Variants in MAMDC4 observed in about 807,000 individuals in gnomAD.
MAMDC4 encodes MAM domain containing 4, also known as apical endosomal glycoprotein.
A neutral mutation model predicts 153.3 loss-of-function variants in MAMDC4; 168 were observed. The observed-to-expected ratio is 1.10, with a 90% CI of 0.97 to 1.25. The LOEUF (loss-of-function observed/expected upper bound fraction) is 1.25, where lower values mean the gene tolerates loss of function less well. Ranked by LOEUF, MAMDC4 falls within the 50% of genes most tolerant of loss-of-function variation. The pLI is 0.00. For missense variants in MAMDC4, 1,701 were observed against 1,542.8 expected (o/e 1.10, Z -1.72); for synonymous variants, 744 against 651.5 (o/e 1.14, Z -2.16).
At chr9:136,852,918 G>C (rs930918704) in intron 1 of MAMDC4, among the ~76,000 whole-genome samples, 184 bp from the exon 2 acceptor site, 7 of 152,224 alleles carry the variant, frequency 4.6e-5, no homozygotes, top group Non-Finnish European at 7.3e-5. Context: ...ACAGGAACGT[G>C]CTGTGCTTGG....
rs777411853 is a variant in MAMDC4 at position 136,856,742 on chromosome 9, A to G, written c.1753A>G (p.Ser585Gly). Residue 585 changes from serine (S) to glycine (G), a missense_variant, in exon 15 of 27, where the codon AGC becomes GGC. By Grantham distance (56) the Ser-to-Gly change is moderately conservative. Transcript: ENST00000317446. ...CTGTAACTTTGAGCGGGACACATGC[A>G]GCTGGTACCCAGGCCACCTCTCAGA... ...VSCNFERDTC[S>G]WYPGHLSDTH... 1 of 1,612,662 alleles carries G rather than the reference A, an allele frequency of 6.2e-7. No homozygotes were observed. The highest frequency in any genetic ancestry group is 8.5e-7 in the Non-Finnish European group (1 of 1,179,870).
At position 136,855,559 on chromosome 9, in the gene MAMDC4, C is replaced by G. The variant is rs1848992202; in HGVS notation, c.1411C>G (p.Pro471Ala). 1 of 1,591,890 alleles carries G rather than the reference C, an allele frequency of 6.3e-7. No individual in the cohort carries two copies. The highest frequency in any genetic ancestry group is 2.3e-5 in the East Asian group (1 of 43,930). ...HLACGDLCVP[P>A]EQLCDFEEQC... ...TGCCTGCGGGGACCTGTGTGTGCCC[C>G]CGGAACAACTGTGTGACTTCGAGGA... Residue 471 changes from proline to alanine, a missense_variant, in exon 12 of 27, where the codon CCG (proline) becomes GCG (alanine). Pro to Ala is a conservative substitution (Grantham distance 27). Transcript: ENST00000317446.
rs910402051 is a variant in MAMDC4, at chr9:136,853,601, C to T, written c.385C>T (p.Arg129Cys). The change falls in exon 4 of 27, where the codon CGC becomes TGC. Residue 129 changes from arginine to cysteine, a missense_variant. Physicochemically the swap from Arg to Cys is radical, Grantham distance 180. Coordinates refer to ENST00000317446, the MANE Select transcript of MAMDC4 (RefSeq NM_206920.3). ...RGKEASTAAL[R>C]SPTLREAASS... ...GAAAGAGGCATCCACCGCAGCCCTGCGCTCGCCAACCCTGCGAGAGGCAGC... is the reference window on the plus strand; with the variant it reads ...GAAAGAGGCATCCACCGCAGCCCTGTGCTCGCCAACCCTGCGAGAGGCAGC... The T allele has an allele frequency of 6.8e-6, 11 of 1,612,364 alleles. No homozygotes were observed. Among genetic ancestry groups the T allele is most frequent in the South Asian group, 1.1e-5 (1 of 91,090 alleles).
At chr9:136,852,968 T>A in intron 1 of MAMDC4, 134 bp from the exon 2 acceptor site, 1 of 723,392 alleles carries the variant, frequency 1.4e-6, no homozygotes, top group Non-Finnish European at 2.3e-6. Context: ...TCCCAGCCCC[T>A]CCCTGCTCCA....
chr9:136,856,457 C>T, intron 14 of MAMDC4: 1 of 783,960 alleles, frequency 1.3e-6, no homozygotes, highest in Non-Finnish European at 2.4e-6. Flanking sequence ...CCCCCTACCC[C>T]ATGAAGCTGG....
At position 136,858,400 on chromosome 9, in the gene MAMDC4, G is replaced by C. The variant is rs774711580; in HGVS notation, c.2675G>C (p.Gly892Ala). 1 of 1,602,228 alleles carries C rather than the reference G, an allele frequency of 6.2e-7. No individual in the cohort carries two copies. Among genetic ancestry groups the C allele is most frequent in the Non-Finnish European group, 8.5e-7 (1 of 1,179,824 alleles). ...CCACTCACCCACCCATGTCCTGCAG[G>C]TTCCTGTGATTTTGAGTCTGGCCTG... ...LLQDGPCPQP[G>A]SCDFESGLCG... The change falls in exon 22 of 27, where the codon GGT (glycine) becomes GCT (alanine). Residue 892 changes from glycine (G) to alanine (A), a missense_variant and splice_region_variant. Transcript: ENST00000317446.
In MAMDC4 at chr9:136,855,718, G is replaced by T; in HGVS notation, c.1472-14G>T. Reference sequence around the variant, plus strand: ...TCTGAGGACTCTGCCATTCAGTGCCGGCTGCTGTTCCAGGCACCACAGACT... The same window carrying T: ...TCTGAGGACTCTGCCATTCAGTGCCTGCTGCTGTTCCAGGCACCACAGACT... On this transcript the variant is annotated splice_polypyrimidine_tract_variant and intron_variant, in intron 12 of 26. Transcript: ENST00000317446. 6.4e-7 allele frequency: 1 copy of T among 1,574,774 alleles called. No individual in the cohort carries two copies. Among genetic ancestry groups the T allele is most frequent in the Non-Finnish European group, 8.6e-7 (1 of 1,161,194 alleles).
intron 7 of MAMDC4, 79 bp downstream of exon 7, chr9:136,854,415 G>A (rs1284195952): frequency 2.7e-6 from 4 of 1,494,858 alleles, no homozygotes; most frequent in Admixed American, 2.2e-5. Flanking sequence ...ATCCAGGAGG[G>A]GGTGCCTTGG....
In MAMDC4 at chr9:136,854,209, A is replaced by G; in HGVS notation, c.671-2A>G. The G allele has an allele frequency of 6.2e-7, 1 of 1,608,784 alleles. No individual in the cohort carries two copies. Among genetic ancestry groups the G allele is most frequent in the Non-Finnish European group, 8.5e-7 (1 of 1,177,938 alleles). On this transcript the variant is annotated splice_acceptor_variant, in intron 6 of 26. Transcript: ENST00000317446. LOFTEE classifies it high-confidence loss of function. ...GTGAAGGGTTAACCCTGCCCCACCCAGCCCCCCAGGCCAACTGTCCCCCGG... is the reference window on the plus strand; with the variant it reads ...GTGAAGGGTTAACCCTGCCCCACCCGGCCCCCCAGGCCAACTGTCCCCCGG...
At position 136,854,333 on chromosome 9, in the gene MAMDC4, T is replaced by C. The variant is rs754128457; in HGVS notation, c.793T>C (p.Cys265Arg). The C allele has an allele frequency of 6.4e-7, 1 of 1,563,532 alleles. No individual in the cohort carries two copies. Among genetic ancestry groups the C allele is most frequent in the Non-Finnish European group, 8.7e-7 (1 of 1,154,814 alleles). The change falls in exon 7 of 27, where the codon TGT (cysteine) becomes CGT (arginine). Residue 265 changes from cysteine to arginine, a missense_variant. Coordinates refer to ENST00000317446, the MANE Select transcript of MAMDC4 (RefSeq NM_206920.3). ...CCTGTCTGATGAGAACCCACTCACC[T>C]GTGGTGAGGCCGGAGTGGGGGCCCA... ...GDLSDENPLT[C>R]GRHIATDFET... is the part of the protein sequence containing the mutation.
rs772716843 is a variant in MAMDC4, at chr9:136,858,416, G to C, written c.2691G>C (p.Glu897Asp). Reference sequence around the variant, plus strand: ...GTCCTGCAGGTTCCTGTGATTTTGAGTCTGGCCTGTGTGGCTGGAGCCACC... The same window carrying C: ...GTCCTGCAGGTTCCTGTGATTTTGACTCTGGCCTGTGTGGCTGGAGCCACC... ...PCPQPGSCDF[E>D]SGLCGWSHLA... Residue 897 changes from glutamate to aspartate, a missense_variant, in exon 22 of 27, where the codon GAG becomes GAC. Glu to Asp is a conservative substitution (Grantham distance 45, BLOSUM62 2). Transcript: ENST00000317446. 1 of 1,603,790 alleles carries C rather than the reference G, an allele frequency of 6.2e-7. No homozygotes were observed. The highest frequency in any genetic ancestry group is 8.5e-7 in the Non-Finnish European group (1 of 1,179,852).
intron 23 of MAMDC4, 58 bp from the exon 24 acceptor site, chr9:136,858,928 CCTCCCCAGCCCGCCCCTGG>C: frequency 6.5e-7 from 1 of 1,533,512 alleles, no homozygotes; most frequent in Non-Finnish European, 8.8e-7. Context: ...GGGGAGGTGG[CCTCCCCAGCCCGCCCCTGG>C]TTAGGCGTGC....
In MAMDC4 at chr9:136,856,105, G is replaced by A. The variant is rs761389843; in HGVS notation, c.1676G>A (p.Ser559Asn). Residue 559 changes from serine to asparagine, a missense_variant, in exon 14 of 27, where the codon AGC becomes AAC. Ser to Asn is a conservative substitution (Grantham distance 46). Coordinates refer to ENST00000317446, the MANE Select transcript of MAMDC4 (RefSeq NM_206920.3). ...LTPLLGPSGP[S>N]CELHLAYYLQ... ...CCCCTCCTTGGCCCTTCTGGCCCCA[G>A]CTGTGAACTCCACCTGGCTTATTAT... 4 of 1,612,434 alleles carry A rather than the reference G, an allele frequency of 2.5e-6. No individual in the cohort carries two copies. Among genetic ancestry groups the A allele is most frequent in the Admixed American group, 1.7e-5 (1 of 60,016 alleles).
At chr9:136,852,710 G>A (rs1014865044) in intron 1 of MAMDC4, among the ~76,000 whole-genome samples, 4 of 152,196 alleles carry the variant, frequency 2.6e-5, no homozygotes, top group Admixed American at 6.5e-5. Context: ...CTCAGGAGGT[G>A]CCCCCAGCTC....
Position 136,856,782 on chromosome 9 carries a change from G to A in MAMDC4, c.1793G>A (p.Trp598Ter), listed in dbSNP as rs1482288010. ...CACCTCTCAGACACACACTGGCGCT[G>A]GGTGGAGAGCCGCGGCCCTGACCAC... ...PGHLSDTHWR[W>*]VESRGPDHDH... Residue 598 changes from tryptophan (W) to a stop codon, truncating the protein, a stop_gained, in exon 15 of 27, where the codon TGG (tryptophan) becomes TAG (stop). Transcript: ENST00000317446. LOFTEE classifies it high-confidence loss of function. The A allele has an allele frequency of 6.2e-7, 1 of 1,611,744 alleles. No homozygotes were observed. Among genetic ancestry groups the A allele is most frequent in the African/African-American group, 1.3e-5 (1 of 75,006 alleles).
chr9:136,859,281 G>A lies in MAMDC4; in HGVS notation c.3157G>A (p.Ala1053Thr). Reference sequence around the variant, plus strand: ...TGCCCTGGATGACGTGGAGTATCTGGCTGGGCAGCATTGCCAGCAGCCTGC... The same window carrying A: ...TGCCCTGGATGACGTGGAGTATCTGACTGGGCAGCATTGCCAGCAGCCTGC... ...PIALDDVEYL[A>T]GQHCQQPAPS... Residue 1053 changes from alanine (A) to threonine (T), a missense_variant, in exon 25 of 27, where the codon GCT (alanine) becomes ACT (threonine). Ala to Thr is a moderately conservative substitution (Grantham distance 58). Coordinates refer to ENST00000317446, the MANE Select transcript of MAMDC4 (RefSeq NM_206920.3). 6.2e-7 allele frequency: 1 copy of A among 1,611,958 alleles called. No homozygotes were observed. The highest frequency in any genetic ancestry group is 1.7e-4 in the Middle Eastern group (1 of 6,046).
At position 136,853,877 on chromosome 9, in the gene MAMDC4, G is replaced by T; in HGVS notation, c.555G>T (p.Val185=). The T allele has an allele frequency of 1.2e-6, 2 of 1,612,656 alleles. No homozygotes were observed. The highest frequency in any genetic ancestry group is 1.1e-5 in the South Asian group (1 of 91,058). Residue 185 remains valine, a synonymous_variant, in exon 5 of 27, where the codon GTG becomes GTT. Coordinates refer to ENST00000317446, the MANE Select transcript of MAMDC4 (RefSeq NM_206920.3). ...GCCCTGGCTGGCAGGAGTTGGCAGTGACCACAGGCCGCATCCGGGGTGACT... is the reference window on the plus strand; with the variant it reads ...GCCCTGGCTGGCAGGAGTTGGCAGTTACCACAGGCCGCATCCGGGGTGACT... The part of the protein sequence containing the change: ...PWGPGWQELA[V]TTGRIRGDFR...
chr9:136,855,849 G>T lies in MAMDC4; in HGVS notation c.1588+1G>T, dbSNP rs750883676. The T allele has an allele frequency of 3.3e-6, 5 of 1,503,076 alleles. No individual in the cohort carries two copies. The Admixed American group carries it at 1.1e-4, about 33-fold the overall frequency. The allele number at this position is 1,503,076 out of a possible 1,614,324, so 93.1% of individuals were successfully genotyped here. A position where few individuals can be genotyped will look rare whatever the true frequency, so the allele number is the denominator to read the frequency against. ...CAGGGGTCCAGTGCAGCTGCTGCTG[G>T]TGAGGCCCAAGGCCCAAGGCTCAAG... On this transcript the variant is annotated splice_donor_variant, in intron 13 of 26. Transcript: ENST00000317446. LOFTEE classifies it high-confidence loss of function.
In MAMDC4 at chr9:136,860,687, C is replaced by A; in HGVS notation, c.*84C>A. ...GCCAGGGACCGGACACCTGCCCCGCCCAGGCTGGGACAGGCTGCAGGTCTC... is the reference window on the plus strand; with the variant it reads ...GCCAGGGACCGGACACCTGCCCCGCACAGGCTGGGACAGGCTGCAGGTCTC... On this transcript the variant is annotated 3_prime_UTR_variant, in exon 27 of 27. Coordinates refer to ENST00000317446, the MANE Select transcript of MAMDC4 (RefSeq NM_206920.3). 1 of 1,495,676 alleles carries A rather than the reference C, an allele frequency of 6.7e-7. No individual in the cohort carries two copies. Among genetic ancestry groups the A allele is most frequent in the Non-Finnish European group, 9.3e-7 (1 of 1,077,460 alleles). 92.7% of individuals were successfully genotyped at this position (1,495,676 alleles called of 1,614,324 possible).
Sources: allele counts gnomAD v4.1 joint callset (sites outside exome capture counted in the v4.1 genomes callset), GRCh38; gene constraint gnomAD v4.1.1; transcripts MANE v1.5; gene names NCBI Gene and HGNC (gene_info 2026-07-23, HGNC 2026-07-21).